The following TRAPPC9 variants were observed in gnomAD, a reference collection of about 807,000 sequenced individuals.
TRAPPC9 encodes trafficking protein particle complex subunit 9.
TRAPPC9 carries 83 observed loss-of-function variants against 124.0 expected under a neutral mutation model. The observed-to-expected ratio is 0.67, with a 90% CI of 0.56 to 0.80. TRAPPC9 has a LOEUF of 0.80. Ranked by LOEUF, TRAPPC9 falls within the 30% of genes least tolerant of loss-of-function variation. The pLI is 0.00. For missense variants in TRAPPC9, 1,302 were observed against 1,508.3 expected (o/e 0.86, Z 2.27); for synonymous variants, 638 against 617.5 (o/e 1.03, Z -0.49).
chr8:140,159,344 A>G lies in TRAPPC9; in HGVS notation c.2556+62115T>C, dbSNP rs1377109739. Among the ~76,000 whole-genome samples, 3 of 152,224 alleles carry G rather than the reference A, an allele frequency of 2.0e-5. No homozygotes were observed. The East Asian group carries it at 5.8e-4, about 29-fold the overall frequency. On this transcript the variant is annotated intron_variant, in intron 17 of 22. Coordinates refer to ENST00000438773, the MANE Select transcript of TRAPPC9 (RefSeq NM_001160372.4). ...CATGGATTTATCCCACACACTGAGA[A>G]TAGTGCCTTGCACAGAGCAGGCCCT...
intron 18 of TRAPPC9, among the ~76,000 whole-genome samples, chr8:140,006,781 A>C (rs141006896): frequency 5.3e-5 from 8 of 152,340 alleles, no homozygotes; most frequent in African/African-American, 1.9e-4. Context: ...CTAGAGAGAC[A>C]GAAGGTAGAT....
chr8:140,410,395 A>G (rs916268663), intron 5 of TRAPPC9, among the ~76,000 whole-genome samples: 2 of 151,936 alleles, frequency 1.3e-5, no homozygotes, highest in Non-Finnish European at 2.9e-5. Context: ...ATTTAGCCAG[A>G]CATGGTGGCA....
Position 140,397,852 on chromosome 8 carries a change from C to T in TRAPPC9, c.1009-107G>A. On this transcript the variant is annotated intron_variant, in intron 6 of 22. Coordinates refer to ENST00000438773, the MANE Select transcript of TRAPPC9 (RefSeq NM_001160372.4). ...TCAATAACTACAACAGCACTTCCCC[C>T]ATCACAGGGCTCCAGATACCCCTCC... The T allele has an allele frequency of 2.1e-6, 3 of 1,432,268 alleles. 1 individual carries two copies. The highest frequency in any genetic ancestry group is 2.3e-5 in the South Asian group (2 of 86,760). The allele number at this position is 1,432,268 out of a possible 1,614,324, so 88.7% of individuals were successfully genotyped here.
At chr8:139,874,530 A>C (rs1829197324) in intron 21 of TRAPPC9, among the ~76,000 whole-genome samples, 1 of 152,260 alleles carries the variant, frequency 6.6e-6, no homozygotes, top group Non-Finnish European at 1.5e-5. Flanking sequence ...CAGGGAGGCC[A>C]AGGCAGGCTG....
chr8:140,025,565 C>CAAAAAAAAAAAA (rs11329773), intron 17 of TRAPPC9, among the ~76,000 whole-genome samples: 5 of 123,812 alleles, frequency 4.0e-5, no homozygotes, highest in South Asian at 2.6e-4. Flanking sequence ...AAGCAAAATG[C>CAAAAAAAAAAAA]AAAAAAAAAA....
At chr8:140,351,172 G>A (rs930184477) in intron 9 of TRAPPC9, among the ~76,000 whole-genome samples, 2 of 151,400 alleles carry the variant, frequency 1.3e-5, no homozygotes, top group African/African-American at 4.8e-5. Flanking sequence ...GACAACGGAT[G>A]AGAGACACAG....
intron 18 of TRAPPC9, among the ~76,000 whole-genome samples, chr8:140,012,225 G>A (rs1409089755): frequency 6.6e-6 from 1 of 152,174 alleles, no homozygotes; most frequent in Non-Finnish European, 1.5e-5. Flanking sequence ...GGCAATGCGG[G>A]GCTCAGAGTA....
intron 15 of TRAPPC9, among the ~76,000 whole-genome samples, chr8:140,267,370 G>A (rs944557383): frequency 6.6e-5 from 10 of 152,184 alleles, no homozygotes; most frequent in Non-Finnish European, 1.0e-4. Context: ...AAACAAGCTC[G>A]ACGTTGTCCC....
rs114700946 is a variant in TRAPPC9 at position 139,948,804 on chromosome 8, T to G, written c.2811-38504A>C. ...TTAAAAAGACAATAACAGGCCAAGC[T>G]CAGTGGCTCACACCTGTAACCTCAG... On this transcript the variant is annotated intron_variant, in intron 19 of 22. Transcript: ENST00000438773. Among the ~76,000 whole-genome samples the G allele has an allele frequency of 6.3e-3, 954 of 152,214 alleles. 12 individuals are homozygous for G. The highest frequency in any genetic ancestry group is 0.021 in the African/African-American group (891 of 41,528).
At chr8:140,218,989 T>A (rs1361907359) in intron 17 of TRAPPC9, among the ~76,000 whole-genome samples, 1 of 151,470 alleles carries the variant, frequency 6.6e-6, no homozygotes, top group Non-Finnish European at 1.5e-5. Context: ...AAACTGGATT[T>A]TAGGAGGAAA....
At chr8:140,122,335 C>T (rs2061004805) in intron 17 of TRAPPC9, among the ~76,000 whole-genome samples, 1 of 152,194 alleles carries the variant, frequency 6.6e-6, no homozygotes. Context: ...AGACTCTAAG[C>T]AGCTTGTCTG....
intron 17 of TRAPPC9, among the ~76,000 whole-genome samples, chr8:140,165,731 C>G (rs2130914518): frequency 6.6e-6 from 1 of 152,198 alleles, no homozygotes; most frequent in South Asian, 2.1e-4. Context: ...GCTCAAGTAT[C>G]TTACCTGAGA....
intron 9 of TRAPPC9, among the ~76,000 whole-genome samples, chr8:140,343,623 GA>G (rs2067256811): frequency 6.6e-6 from 1 of 152,156 alleles, no homozygotes; most frequent in African/African-American, 2.4e-5. Flanking sequence ...AACAGACAAA[GA>G]CCCACAGAAG....
intron 21 of TRAPPC9, among the ~76,000 whole-genome samples, chr8:139,796,034 GAGGAAGAGGAGA>G (rs1823043060): frequency 6.7e-6 from 1 of 148,884 alleles, no homozygotes; most frequent in Non-Finnish European, 1.5e-5. Flanking sequence ...GGAAGAGGAG[GAGGAAGAGGAGA>G]AGGAGGAGGA....
chr8:140,375,625 A>G (rs757646049), intron 7 of TRAPPC9, among the ~76,000 whole-genome samples: 14 of 152,290 alleles, frequency 9.2e-5, no homozygotes, highest in Non-Finnish European at 1.6e-4. Flanking sequence ...TGTCAAAAAG[A>G]CTCAATGAAA....
chr8:139,929,537 A>T (rs1188009707), intron 19 of TRAPPC9, among the ~76,000 whole-genome samples: 1 of 150,402 alleles, frequency 6.6e-6, no homozygotes, highest in East Asian at 1.9e-4. Flanking sequence ...AAAAAAGCTG[A>T]GCTGTCCTGT....
In TRAPPC9 at chr8:140,287,639, G is replaced by T; in HGVS notation, c.1950C>A (p.Val650=). 1.2e-6 allele frequency: 2 copies of T among 1,614,152 alleles called. No individual in the cohort carries two copies. The highest frequency in any genetic ancestry group is 1.7e-6 in the Non-Finnish European group (2 of 1,180,028). Residue 650 remains valine, a synonymous_variant, in exon 13 of 23, where the codon GTC becomes GTA. Coordinates refer to ENST00000438773, the MANE Select transcript of TRAPPC9 (RefSeq NM_001160372.4). Reference sequence around the variant, plus strand: ...CAGTAATCGTTCCAGTCGTCTGCGGGACCCCGACGAGCGTCACTGGGTACA... The same window carrying T: ...CAGTAATCGTTCCAGTCGTCTGCGGTACCCCGACGAGCGTCACTGGGTACA... The part of the protein sequence containing the change: ...SGLYPVTLVG[V]PQTTGTITVN...
chr8:140,226,607 GAAAGAA>G (rs1244050754), intron 16 of TRAPPC9, among the ~76,000 whole-genome samples: 46 of 133,984 alleles, frequency 3.4e-4, no homozygotes, highest in African/African-American at 1.2e-3. Context: ...AAAAAAAAAA[GAAAGAA>G]AAAGAAAAAG....
chr8:140,228,421 T>A (rs1011761232), intron 16 of TRAPPC9, among the ~76,000 whole-genome samples: 1 of 152,352 alleles, frequency 6.6e-6, no homozygotes, highest in Admixed American at 6.5e-5. Context: ...CCAATACTCA[T>A]CCTTAATTTC....
Sources: allele counts gnomAD v4.1 joint callset (sites outside exome capture counted in the v4.1 genomes callset), GRCh38; gene constraint gnomAD v4.1.1; transcripts MANE v1.5; gene names NCBI Gene and HGNC (gene_info 2026-07-23, HGNC 2026-07-21).